The following KIF5A variants were observed in gnomAD, a reference collection of about 807,000 sequenced individuals.
KIF5A encodes the protein kinesin heavy chain isoform 5A.
KIF5A carries 35 observed loss-of-function variants against 141.3 expected under a neutral mutation model. That is an observed-to-expected ratio of 0.25 (90% confidence interval 0.19 to 0.33). The LOEUF (loss-of-function observed/expected upper bound fraction) is 0.33. KIF5A is among the 10% of genes least tolerant of loss of function. The pLI is 1.00. For missense variants in KIF5A, 861 were observed against 1,314.3 expected (o/e 0.66, Z 5.33); for synonymous variants, 448 against 500.2 (o/e 0.90, Z 1.39).
Position 57,576,133 on chromosome 12 carries a change from G to A in KIF5A, c.2070G>A (p.Gln690=), listed in dbSNP as rs1882417001. ...TGAAGGACAAGGAGCCTGACACTCA[G>A]GATGCAGATGAAGTGAAGGTGAGTA... ...VALKDKEPDT[Q]DADEVKKALE... Residue 690 remains glutamine (Q), a synonymous_variant, in exon 18 of 29, where the codon CAG becomes CAA. Transcript: ENST00000455537. The A allele has an allele frequency of 6.2e-7, 1 of 1,614,094 alleles. No individual in the cohort carries two copies. The highest frequency in any genetic ancestry group is 1.1e-5 in the South Asian group (1 of 91,092).
rs1241508945 is a variant in KIF5A at position 57,572,004 on chromosome 12, C to A, written c.1363-57C>A. The A allele has an allele frequency of 2.0e-6, 3 of 1,476,804 alleles. No homozygotes were observed. Among genetic ancestry groups the A allele is most frequent in the Non-Finnish European group, 2.8e-6 (3 of 1,065,278 alleles). 91.5% of individuals were successfully genotyped at this position (1,476,804 alleles called of 1,614,324 possible). On this transcript the variant is annotated intron_variant, in intron 13 of 28. Coordinates refer to ENST00000455537, the MANE Select transcript of KIF5A (RefSeq NM_004984.4). This position sits in a 1 kb window ranked among gnomAD's most constrained non-coding sequence, Gnocchi z 4.2. ...GGGGCTCAGCTTCCCAGACCCAAGGCCATAGAAATGGTCACTGGCAGTGAT... is the reference window on the plus strand; with the variant it reads ...GGGGCTCAGCTTCCCAGACCCAAGGACATAGAAATGGTCACTGGCAGTGAT...
chr12:57,581,369 T>A (rs1210787586), intron 24 of KIF5A, 46 bp from the exon 25 acceptor site: 1 of 1,611,300 alleles, frequency 6.2e-7, no homozygotes, highest in Non-Finnish European at 8.5e-7. Context: ...CCAGGGCAAA[T>A]GCAGGGTCAT....
At chr12:57,561,369 G>T (rs998552956) in intron 1 of KIF5A, among the ~76,000 whole-genome samples, 10 of 152,088 alleles carry the variant, frequency 6.6e-5, no homozygotes, top group African/African-American at 2.4e-4. Context: ...GGAAATCTTA[G>T]CACTGGAATC....
chr12:57,572,861 A>G lies in KIF5A; in HGVS notation c.1716+135A>G. 9.2e-7 allele frequency: 1 copy of G among 1,088,372 alleles called. No homozygotes were observed. 67.4% of individuals were successfully genotyped at this position (1,088,372 alleles called of 1,614,324 possible). ...AACATGCCTTTGAACTAGACCCAGGAAGACAGGTAGAGGCTTGTATAGACC... is the reference window on the plus strand; with the variant it reads ...AACATGCCTTTGAACTAGACCCAGGGAGACAGGTAGAGGCTTGTATAGACC... On this transcript the variant is annotated intron_variant, in intron 15 of 28. Coordinates refer to ENST00000455537, the MANE Select transcript of KIF5A (RefSeq NM_004984.4). The surrounding 1 kb of genome is among the most constrained non-coding windows in gnomAD (Gnocchi z 4.2).
At chr12:57,565,757 TG>T (rs1882045392) in intron 6 of KIF5A, among the ~76,000 whole-genome samples, 1 of 149,110 alleles carries the variant, frequency 6.7e-6, no homozygotes, top group South Asian at 2.3e-4. Context: ...CCCGAGTAGC[TG>T]GGACTACAGG....
chr12:57,573,600 C>T (rs557855351), intron 15 of KIF5A, among the ~76,000 whole-genome samples: 19 of 151,772 alleles, frequency 1.3e-4, no homozygotes, highest in East Asian at 3.9e-4. Context: ...GAGGACGAGG[C>T]GGGTGGATCA....
intron 2 of KIF5A, 41 bp from the exon 3 acceptor site, chr12:57,563,579 A>T: frequency 6.2e-7 from 1 of 1,609,060 alleles, no homozygotes. Flanking sequence ...TTCCTACCCG[A>T]CCTATCTCCA....
chr12:57,570,260 G>A, intron 12 of KIF5A, 98 bp downstream of exon 12: 1 of 1,052,262 alleles, frequency 9.5e-7, no homozygotes, highest in Non-Finnish European at 1.4e-6. Context: ...GGTTTTAAAA[G>A]GGATAAATGC....
rs73346047 is a variant in KIF5A at position 57,568,180 on chromosome 12, C to T, written c.714+562C>T. Among the ~76,000 whole-genome samples, 1,010 of 152,096 alleles carry T rather than the reference C, an allele frequency of 6.6e-3. 11 individuals are homozygous for T. The highest frequency in any genetic ancestry group is 0.022 in the African/African-American group (928 of 41,510). On this transcript the variant is annotated intron_variant, in intron 8 of 28. Coordinates refer to ENST00000455537, the MANE Select transcript of KIF5A (RefSeq NM_004984.4). ...ACAGGCATGAGCCACTGTGCCCGGC[C>T]GACTCTTTTTTAACTAAAAAATGAT...
In KIF5A at chr12:57,550,165, A is replaced by G. The variant is rs1881522952; in HGVS notation, c.-107A>G. Reference sequence around the variant, plus strand: ...GGCGCCCTCAACTCTGTCCCCAGAGACTGAGCACCTGTCCTCCGCCTCGGC... The same window carrying G: ...GGCGCCCTCAACTCTGTCCCCAGAGGCTGAGCACCTGTCCTCCGCCTCGGC... On this transcript the variant is annotated 5_prime_UTR_variant, in exon 1 of 29. Transcript: ENST00000455537. This position sits in a 1 kb window ranked among gnomAD's most constrained non-coding sequence, Gnocchi z 4.6. The G allele has an allele frequency of 3.3e-6, 5 of 1,502,454 alleles. No homozygotes were observed. In the Admixed American group the frequency reaches 8.4e-5, roughly 25 times the overall value. 93.1% of individuals were successfully genotyped at this position (1,502,454 alleles called of 1,614,324 possible).
intron 6 of KIF5A, among the ~76,000 whole-genome samples, chr12:57,566,489 C>T (rs990931138): frequency 6.6e-5 from 10 of 151,778 alleles, no homozygotes; most frequent in Admixed American, 5.3e-4. Context: ...TGGCTTACTG[C>T]AACCTCAGCC....
intron 17 of KIF5A, 21 bp downstream of exon 17, chr12:57,575,778 C>T: frequency 6.7e-7 from 1 of 1,503,664 alleles, no homozygotes; most frequent in Middle Eastern, 1.7e-4. Flanking sequence ...CTTATACCTC[C>T]ATCCCACTGT....
intron 1 of KIF5A, among the ~76,000 whole-genome samples, chr12:57,555,735 C>G (rs1157145980): frequency 6.6e-6 from 1 of 150,410 alleles, no homozygotes; most frequent in East Asian, 2.0e-4. Context: ...ATGGTGAAAC[C>G]CTGTCTGTAC....
chr12:57,572,134 C>A lies in KIF5A; in HGVS notation c.1436C>A (p.Ala479Asp). ...ELSHLQSEND[A>D]AKDEVKEVLQ... ...AGCCACCTGCAATCAGAGAACGATG[C>A]CGCTAAGGATGAGGTGAAGGAAGTG... The change falls in exon 14 of 29, where the codon GCC becomes GAC. Residue 479 changes from alanine to aspartate, a missense_variant. Physicochemically the swap from Ala to Asp is moderately radical, Grantham distance 126. Coordinates refer to ENST00000455537, the MANE Select transcript of KIF5A (RefSeq NM_004984.4). This position sits in a 1 kb window ranked among gnomAD's most constrained non-coding sequence, Gnocchi z 4.2. The A allele has an allele frequency of 6.2e-7, 1 of 1,614,074 alleles. No homozygotes were observed. The highest frequency in any genetic ancestry group is 1.1e-5 in the South Asian group (1 of 91,042).
At chr12:57,579,593 C>T (rs974848719) in intron 23 of KIF5A, among the ~76,000 whole-genome samples, 32 of 152,068 alleles carry the variant, frequency 2.1e-4, no homozygotes, top group Admixed American at 1.5e-3. Flanking sequence ...GGCTTTGCTA[C>T]GATTTTATTT....
At chr12:57,558,840 A>AC (rs1881823602) in intron 1 of KIF5A, among the ~76,000 whole-genome samples, 1 of 152,082 alleles carries the variant, frequency 6.6e-6, no homozygotes, top group Admixed American at 6.5e-5. Context: ...CAGTGGTGCA[A>AC]TCATGGCTCA....
chr12:57,569,456 G>A lies in KIF5A; in HGVS notation c.968+52G>A, dbSNP rs774585291. 1.9e-6 allele frequency: 3 copies of A among 1,613,418 alleles called. No individual in the cohort carries two copies. In the South Asian group the frequency reaches 3.3e-5, roughly 18 times the overall value. On this transcript the variant is annotated intron_variant, in intron 10 of 28. Transcript: ENST00000455537. ...CCCTGGTACCCAGCTTCCCATCCCA[G>A]CCTCTGCGGCTCTCTCTCCTCAGGG...
chr12:57,573,011 C>T (rs528473904), intron 15 of KIF5A, among the ~76,000 whole-genome samples: 7 of 152,116 alleles, frequency 4.6e-5, no homozygotes, highest in East Asian at 1.9e-4. Flanking sequence ...GCCAACATGG[C>T]GAAACCCTGT....
intron 26 of KIF5A, 23 bp downstream of exon 26, chr12:57,581,975 C>A (rs369409674): frequency 5.6e-6 from 9 of 1,600,940 alleles, no homozygotes; most frequent in African/African-American, 4.0e-5. Flanking sequence ...GATGGGTAAT[C>A]CCACCTTTGG....
Sources: gnomAD v4.1 joint callset for allele counts (sites outside exome capture counted in the v4.1 genomes callset) on GRCh38, gnomAD v4.1.1 for gene constraint, Gnocchi (gnomAD v3.1) non-coding constraint, MANE v1.5 for transcripts, NCBI Gene and HGNC (gene_info 2026-07-23, HGNC 2026-07-21) for gene names.